The following EYS variants were observed in gnomAD, a reference collection of about 807,000 sequenced individuals.
The protein encoded by EYS is EGF-like photoreceptor maintenance factor.
In EYS, 250 loss-of-function variants were observed where a neutral mutation model predicts 282.1. The observed-to-expected ratio is 0.89, with a 90% confidence interval of 0.80 to 0.98. EYS has a LOEUF of 0.98. EYS is among the 50% of genes least tolerant of loss of function. The probability of loss-of-function intolerance (pLI) is 0.00; values close to 1 mark genes in which losing one functional copy is unlikely to be tolerated. For missense variants in EYS, 4,016 were observed against 3,709.0 expected (o/e 1.08, Z -2.15); for synonymous variants, 1,355 against 1,282.9 (o/e 1.06, Z -1.20).
intron 28 of EYS, among the ~76,000 whole-genome samples, chr6:64,391,072 A>G (rs2150427286): frequency 6.6e-6 from 1 of 152,314 alleles, no homozygotes; most frequent in Non-Finnish European, 1.5e-5. Context: ...GGAAGTTTAG[A>G]GAAAAAAGAA....
At chr6:64,173,632 C>G (rs893820266) in intron 31 of EYS, among the ~76,000 whole-genome samples, 1 of 152,150 alleles carries the variant, frequency 6.6e-6, no homozygotes, top group African/African-American at 2.4e-5. Context: ...TACCAACAAT[C>G]TATTTACTCA....
intron 14 of EYS, among the ~76,000 whole-genome samples, chr6:64,962,418 T>A (rs1473313815): frequency 1.3e-5 from 2 of 152,070 alleles, no homozygotes; most frequent in African/African-American, 2.4e-5. Context: ...ATTTCTTTAC[T>A]CTAAATTGTG....
At chr6:64,171,984 C>T (rs1764493217) in intron 31 of EYS, among the ~76,000 whole-genome samples, 1 of 152,118 alleles carries the variant, frequency 6.6e-6, no homozygotes, top group Non-Finnish European at 1.5e-5. Context: ...GTGCTGATGG[C>T]TCCAAAGAAA....
At chr6:64,975,246 T>A (rs114843581) in intron 14 of EYS, among the ~76,000 whole-genome samples, 3,101 of 151,912 alleles carry the variant, frequency 0.02, 49 homozygotes, top group Non-Finnish European at 0.032. Flanking sequence ...ATTTTGTTTT[T>A]GACAACACCC....
chr6:63,901,247 A>G (rs1397461637), intron 35 of EYS, among the ~76,000 whole-genome samples: 1 of 152,218 alleles, frequency 6.6e-6, no homozygotes, highest in Non-Finnish European at 1.5e-5. Context: ...CAAATAAAAA[A>G]TGCACCAGAG....
chr6:65,396,244 T>C (rs1398079923), intron 7 of EYS, among the ~76,000 whole-genome samples: 1 of 152,158 alleles, frequency 6.6e-6, no homozygotes, highest in Non-Finnish European at 1.5e-5. Flanking sequence ...CTACTCCTAC[T>C]CTAGTATGCT....
At chr6:64,054,835 G>T (rs1770928544) in intron 33 of EYS, among the ~76,000 whole-genome samples, 1 of 152,070 alleles carries the variant, frequency 6.6e-6, no homozygotes. Flanking sequence ...TTTCATGGTG[G>T]CTGTCACATA....
chr6:65,151,629 A>G (rs1017029304), intron 12 of EYS, among the ~76,000 whole-genome samples: 2 of 152,056 alleles, frequency 1.3e-5, no homozygotes, highest in South Asian at 2.1e-4. Flanking sequence ...GTTTGATTAG[A>G]TAGTAATGTT....
At position 64,231,492 on chromosome 6, in the gene EYS, A is replaced by T. The variant is rs181037845; in HGVS notation, c.6192-668T>A. Among the ~76,000 whole-genome samples the T allele has an allele frequency of 1.6e-4, 25 of 152,178 alleles. 1 individual carries two copies. In the East Asian group the frequency reaches 4.4e-3, roughly 27 times the overall value. On this transcript the variant is annotated intron_variant, in intron 30 of 42. Transcript: ENST00000503581. ...AGTACCTTAAATTCTCTCAAACCAA[A>T]TAAGATTGCTATTCCTTAAAGATGC...
At chr6:64,727,887 C>A (rs967182333) in intron 22 of EYS, among the ~76,000 whole-genome samples, 3 of 152,194 alleles carry the variant, frequency 2.0e-5, no homozygotes, top group African/African-American at 7.2e-5. Context: ...AAACAACCTA[C>A]CTAGGTACCA....
chr6:64,622,882 A>G (rs1280644876), intron 23 of EYS, among the ~76,000 whole-genome samples: 1 of 152,186 alleles, frequency 6.6e-6, no homozygotes, highest in East Asian at 1.9e-4. Flanking sequence ...AGAGAAGTGG[A>G]CATGTGTAAA....
intron 31 of EYS, among the ~76,000 whole-genome samples, chr6:64,176,709 G>T (rs984367730): frequency 6.6e-6 from 1 of 151,892 alleles, no homozygotes; most frequent in African/African-American, 2.4e-5. Flanking sequence ...TAAATATGAT[G>T]CTAATTTTTC....
intron 22 of EYS, among the ~76,000 whole-genome samples, chr6:64,662,515 C>A (rs1769075262): frequency 6.6e-6 from 1 of 152,080 alleles, no homozygotes; most frequent in East Asian, 1.9e-4. Context: ...CGTGGGACAG[C>A]AAGCAGATAT....
intron 31 of EYS, among the ~76,000 whole-genome samples, chr6:64,170,706 A>G (rs1231099021): frequency 6.6e-6 from 1 of 151,280 alleles, no homozygotes; most frequent in African/African-American, 2.4e-5. Flanking sequence ...GTTTATAAAC[A>G]AGGTCACATT....
chr6:65,477,120 G>A (rs1330296597), intron 5 of EYS, among the ~76,000 whole-genome samples: 1 of 151,932 alleles, frequency 6.6e-6, no homozygotes, highest in Non-Finnish European at 1.5e-5. Context: ...ACAATAATAA[G>A]GTTACCCACA....
chr6:65,030,576 C>T (rs189038294), intron 13 of EYS, among the ~76,000 whole-genome samples: 1 of 152,310 alleles, frequency 6.6e-6, no homozygotes, highest in Non-Finnish European at 1.5e-5. Context: ...TGAGATCCCA[C>T]TGCCACTGCT....
chr6:64,262,368 C>T (rs1447052488), intron 30 of EYS, among the ~76,000 whole-genome samples: 1 of 151,016 alleles, frequency 6.6e-6, no homozygotes, highest in Admixed American at 6.6e-5. Context: ...TTGTAATTTG[C>T]AAAAAATACA....
At chr6:65,613,986 G>A (rs2130498) in intron 2 of EYS, among the ~76,000 whole-genome samples, 54,166 of 151,752 alleles carry the variant, frequency 0.36, 12,068 homozygotes, top group Non-Finnish European at 0.49. Flanking sequence ...AACTGAAAAA[G>A]AAGCAATTTA....
At chr6:65,197,937 T>C (rs1370800925) in intron 12 of EYS, among the ~76,000 whole-genome samples, 1 of 152,078 alleles carries the variant, frequency 6.6e-6, no homozygotes. Flanking sequence ...TTCTTTCTTC[T>C]ATAATAAATT....
Sources: gnomAD v4.1 joint callset for allele counts (sites outside exome capture counted in the v4.1 genomes callset) on GRCh38, gnomAD v4.1.1 for gene constraint, MANE v1.5 for transcripts, NCBI Gene and HGNC (gene_info 2026-07-23, HGNC 2026-07-21) for gene names.